The following NR3C2 variants were observed in gnomAD, a reference collection of about 807,000 sequenced individuals.
NR3C2 encodes the protein nuclear receptor subfamily 3 group C member 2, also known as mineralocorticoid receptor.
A neutral mutation model predicts 86.4 loss-of-function variants in NR3C2; 15 were observed. The observed-to-expected ratio is 0.17, with a 90% CI of 0.12 to 0.27. NR3C2 has a LOEUF of 0.27. Ranked by LOEUF, NR3C2 falls within the 10% of genes least tolerant of loss-of-function variation. The probability of loss-of-function intolerance (pLI) is 1.00; values close to 1 mark genes in which losing one functional copy is unlikely to be tolerated. For synonymous variants in NR3C2, 458 were observed against 450.5 expected (o/e 1.02, Z -0.21); for missense variants, 960 against 1,195.6 (o/e 0.80, Z 2.91).
intron 8 of NR3C2, among the ~76,000 whole-genome samples, chr4:148,101,916 G>C (rs1397572561): frequency 6.6e-6 from 1 of 151,944 alleles, no homozygotes; most frequent in Non-Finnish European, 1.5e-5. Context: ...GTCCCTGTTT[G>C]CTTTGTGGCT....
chr4:148,319,009 G>C (rs1415814367), intron 2 of NR3C2, among the ~76,000 whole-genome samples: 3 of 151,656 alleles, frequency 2.0e-5, no homozygotes. Flanking sequence ...TATGGTTTTA[G>C]GTCTAACGTT....
intron 4 of NR3C2, among the ~76,000 whole-genome samples, chr4:148,169,153 C>T (rs771595805): frequency 6.6e-6 from 1 of 152,124 alleles, no homozygotes; most frequent in Non-Finnish European, 1.5e-5. Context: ...CTACGATGAC[C>T]ATATTGCCTT....
intron 3 of NR3C2, among the ~76,000 whole-genome samples, chr4:148,206,583 T>C (rs914744113): frequency 5.3e-5 from 8 of 152,214 alleles, no homozygotes; most frequent in Non-Finnish European, 1.0e-4. Flanking sequence ...CTTATGCTTA[T>C]GATGAAAAAG....
chr4:148,209,287 A>T (rs6535593), intron 3 of NR3C2, among the ~76,000 whole-genome samples: 109,175 of 151,848 alleles, frequency 0.72, 39,649 homozygotes, highest in African/African-American at 0.82. Context: ...GCTTTATGCA[A>T]CAGGGTCTCA....
chr4:148,228,189 G>A (rs1738272601), intron 3 of NR3C2, among the ~76,000 whole-genome samples: 1 of 152,088 alleles, frequency 6.6e-6, no homozygotes, highest in Admixed American at 6.6e-5. Context: ...TTAGCTCCTG[G>A]CTGATCTTCC....
At chr4:148,205,932 G>A (rs1461124284) in intron 3 of NR3C2, among the ~76,000 whole-genome samples, 16 of 152,124 alleles carry the variant, frequency 1.1e-4, no homozygotes, top group African/African-American at 2.9e-4. Context: ...GAGTTTTGTG[G>A]CTGGTGCACA....
intron 8 of NR3C2, among the ~76,000 whole-genome samples, chr4:148,097,906 C>T (rs564444681): frequency 2.0e-4 from 31 of 152,146 alleles, no homozygotes; most frequent in Middle Eastern, 3.4e-3. Flanking sequence ...TTCCTGCAAC[C>T]GGTTTGAAGA....
At chr4:148,356,338 G>T (rs1402877280) in intron 2 of NR3C2, among the ~76,000 whole-genome samples, 1 of 152,138 alleles carries the variant, frequency 6.6e-6, no homozygotes, top group African/African-American at 2.4e-5. Context: ...CACATTCTGC[G>T]TGTGCCTCTA....
At chr4:148,360,175 C>T (rs547691935) in intron 2 of NR3C2, among the ~76,000 whole-genome samples, 23 of 152,194 alleles carry the variant, frequency 1.5e-4, no homozygotes, top group South Asian at 1.0e-3. Flanking sequence ...CTCATCTGCC[C>T]CTACTTTATA....
chr4:148,254,843 T>A (rs1025629647), intron 3 of NR3C2, among the ~76,000 whole-genome samples: 7 of 152,200 alleles, frequency 4.6e-5, no homozygotes, highest in African/African-American at 1.7e-4. Context: ...ATAAGCTTCC[T>A]GTACATGATT....
intron 8 of NR3C2, among the ~76,000 whole-genome samples, chr4:148,090,355 A>T (rs996679466): frequency 1.3e-5 from 2 of 152,208 alleles, no homozygotes; most frequent in Non-Finnish European, 2.9e-5. Flanking sequence ...GGGACCAGCA[A>T]GTGCAGGGTT....
At chr4:148,138,846 T>A (rs1055427086) in intron 6 of NR3C2, among the ~76,000 whole-genome samples, 1 of 152,206 alleles carries the variant, frequency 6.6e-6, no homozygotes, top group Non-Finnish European at 1.5e-5. Context: ...GCTGCCCTCA[T>A]GGATGGATTC....
intron 6 of NR3C2, chr4:148,146,604 C>G (rs1733881791): frequency 6.6e-6 from 1 of 152,266 alleles, no homozygotes; most frequent in Non-Finnish European, 1.5e-5. Flanking sequence ...GAGTTGTGTA[C>G]TCGTCTAATG....
chr4:148,209,545 G>A (rs113064981), intron 3 of NR3C2, among the ~76,000 whole-genome samples: 30 of 152,284 alleles, frequency 2.0e-4, no homozygotes, highest in African/African-American at 7.0e-4. Context: ...TGATTCTCCT[G>A]CTATGGCCTT....
chr4:148,438,248 C>G (rs1750170798), intron 1 of NR3C2, among the ~76,000 whole-genome samples: 1 of 152,154 alleles, frequency 6.6e-6, no homozygotes, highest in Non-Finnish European at 1.5e-5. Flanking sequence ...CCACTAGATG[C>G]CAGTAGCATT....
intron 2 of NR3C2, among the ~76,000 whole-genome samples, chr4:148,381,600 G>T (rs1746994705): frequency 6.6e-6 from 1 of 152,156 alleles, no homozygotes; most frequent in African/African-American, 2.4e-5. Flanking sequence ...AAAAGTTCAT[G>T]TGTAGAGTAA....
intron 2 of NR3C2, among the ~76,000 whole-genome samples, chr4:148,433,355 T>G (rs1749886312): frequency 6.6e-6 from 1 of 152,204 alleles, no homozygotes; most frequent in African/African-American, 2.4e-5. Context: ...CATAATCATT[T>G]TTAAAATATG....
At chr4:148,354,209 G>A (rs1403217410) in intron 2 of NR3C2, among the ~76,000 whole-genome samples, 2 of 151,846 alleles carry the variant, frequency 1.3e-5, no homozygotes, top group Non-Finnish European at 2.9e-5. Flanking sequence ...TCCACTTAAT[G>A]AACAGTTAAG....
intron 3 of NR3C2, among the ~76,000 whole-genome samples, chr4:148,197,781 G>C (rs898323214): frequency 6.6e-6 from 1 of 152,122 alleles, no homozygotes; most frequent in Admixed American, 6.5e-5. Flanking sequence ...AGAAAATTTT[G>C]TCGTTTATAT....
Sources: gnomAD v4.1 joint callset for allele counts (sites outside exome capture counted in the v4.1 genomes callset) on GRCh38, gnomAD v4.1.1 for gene constraint, MANE v1.5 for transcripts, NCBI Gene and HGNC (gene_info 2026-07-23, HGNC 2026-07-21) for gene names.